Variants in REV3L observed in about 807,000 individuals in gnomAD.
REV3L encodes DNA polymerase zeta catalytic subunit.
Under a neutral mutation model 299.4 loss-of-function variants are expected in REV3L, and 69 were observed. The ratio of observed to expected loss-of-function variants is 0.23; its 90% confidence interval spans 0.19 to 0.28. REV3L has a LOEUF of 0.28. REV3L is among the 10% of genes least tolerant of loss of function. REV3L has a pLI of 1.00. For missense variants in REV3L, 3,128 were observed against 3,693.8 expected (o/e 0.85, Z 3.97); for synonymous variants, 1,238 against 1,271.4 (o/e 0.97, Z 0.56).
Position 111,373,188 on chromosome 6 carries a change from A to C in REV3L, c.5167T>G (p.Leu1723Val). Residue 1723 changes from leucine (L) to valine (V), a missense_variant, in exon 13 of 32, where the codon TTA becomes GTA. Around this residue, in one of 9 missense-constraint regions of REV3L, gnomAD observed 2,409 missense variants for 2,611.8 expected, o/e 0.92. Transcript: ENST00000368802. ...DSASWIRSGTLSPEIFEKSTI... is the reference protein window; with the variant it reads ...DSASWIRSGTVSPEIFEKSTI... ...GACTTCTCAAAAATTTCAGGACTTA[A>C]AGTACCAGATCTAATCCATGAGGCT... 1 of 1,614,128 alleles carries C rather than the reference A, an allele frequency of 6.2e-7. No individual in the cohort carries two copies. The highest frequency in any genetic ancestry group is 8.5e-7 in the Non-Finnish European group (1 of 1,179,990).
intron 20 of REV3L, 107 bp downstream of exon 20, chr6:111,349,111 C>A: frequency 1.7e-6 from 1 of 600,874 alleles, no homozygotes; most frequent in Middle Eastern, 3.5e-4. Flanking sequence ...CAGTAATTGA[C>A]AAACGCATAA....
chr6:111,439,639 A>C (rs931464381), intron 1 of REV3L, among the ~76,000 whole-genome samples: 1 of 152,226 alleles, frequency 6.6e-6, no homozygotes, highest in African/African-American at 2.4e-5. Context: ...AATAACAACG[A>C]AACATTTCTT....
At chr6:111,331,827 TAGA>T in intron 23 of REV3L, 43 bp from the exon 24 acceptor site, 1 of 1,242,760 alleles carries the variant, frequency 8.0e-7, no homozygotes, top group Non-Finnish European at 1.2e-6. Flanking sequence ...CCTCAAATCA[TAGA>T]ACAGAGATTT....
chr6:111,311,540 C>T (rs1772975260), intron 28 of REV3L: 2 of 219,600 alleles, frequency 9.1e-6, no homozygotes, highest in Non-Finnish European at 8.8e-6. Flanking sequence ...ACATAAAACA[C>T]GTTAAGTTTT....
chr6:111,426,453 T>C (rs908631171), intron 1 of REV3L, among the ~76,000 whole-genome samples: 1 of 152,208 alleles, frequency 6.6e-6, no homozygotes, highest in Non-Finnish European at 1.5e-5. Context: ...AGGGAATCAA[T>C]TAACCCATTT....
rs1172584837 is a variant in REV3L at position 111,372,753 on chromosome 6, C to T, written c.5602G>A (p.Gly1868Ser). ...STSSPSQSKNGSFTPRTANIL... is the reference protein window; with the variant it reads ...STSSPSQSKNSSFTPRTANIL... ...TTAGCAGTTCGAGGGGTGAAGCTGC[C>T]ATTTTTAGATTGTGAAGGAGAGCTA... is the stretch of plus-strand genomic sequence containing the variant. Residue 1868 changes from glycine to serine, a missense_variant, in exon 13 of 32, where the codon GGC becomes AGC. By Grantham distance (56) the Gly-to-Ser change is moderately conservative (BLOSUM62 0). Transcript: ENST00000368802. 1 of 1,612,436 alleles carries T rather than the reference C, an allele frequency of 6.2e-7. No individual in the cohort carries two copies. The highest frequency in any genetic ancestry group is 8.5e-7 in the Non-Finnish European group (1 of 1,179,340).
intron 25 of REV3L, among the ~76,000 whole-genome samples, chr6:111,326,326 C>T (rs550506546): frequency 6.6e-6 from 1 of 152,176 alleles, no homozygotes; most frequent in South Asian, 2.1e-4. Context: ...CACAAAAGGT[C>T]TGAATAGACA....
intron 20 of REV3L, 103 bp downstream of exon 20, chr6:111,349,115 C>T (rs920114064): frequency 1.9e-5 from 12 of 619,562 alleles, no homozygotes; most frequent in African/African-American, 7.5e-5. Flanking sequence ...AATTGACAAA[C>T]GCATAAGCTA....
chr6:111,427,906 G>A (rs1266566301), intron 1 of REV3L, among the ~76,000 whole-genome samples: 1 of 152,054 alleles, frequency 6.6e-6, no homozygotes, highest in Non-Finnish European at 1.5e-5. Context: ...CCAAGTTGGA[G>A]TGGCTGTTCA....
At position 111,373,025 on chromosome 6, in the gene REV3L, A is replaced by G; in HGVS notation, c.5330T>C (p.Leu1777Ser). The part of the protein sequence containing the change: ...AEDCLSEKSR[L>S]NRSSVSKEVF... ...TTCTTTGCTTACTGAACTCCTATTCAATCTAGATTTTTCACTTAGACAGTC... is the reference window on the plus strand; with the variant it reads ...TTCTTTGCTTACTGAACTCCTATTCGATCTAGATTTTTCACTTAGACAGTC... Residue 1777 changes from leucine to serine, a missense_variant, in exon 13 of 32, where the codon TTG becomes TCG. Physicochemically the swap from Leu to Ser is moderately radical, Grantham distance 145. Coordinates refer to ENST00000368802, the MANE Select transcript of REV3L (RefSeq NM_001372078.1). The G allele has an allele frequency of 6.2e-7, 1 of 1,614,158 alleles. No individual in the cohort carries two copies. Among genetic ancestry groups the G allele is most frequent in the Non-Finnish European group, 8.5e-7 (1 of 1,180,016 alleles).
At chr6:111,482,155 T>C (rs1252166643) in intron 1 of REV3L, among the ~76,000 whole-genome samples, 1 of 152,094 alleles carries the variant, frequency 6.6e-6, no homozygotes, top group Non-Finnish European at 1.5e-5. Flanking sequence ...CGACCTGCAC[T>C]CACAGCAGAG....
intron 1 of REV3L, among the ~76,000 whole-genome samples, chr6:111,475,662 C>A (rs1209424940): frequency 6.6e-6 from 1 of 151,974 alleles, no homozygotes; most frequent in Non-Finnish European, 1.5e-5. Flanking sequence ...GGATTATTTT[C>A]TAGTTCTTTG....
At chr6:111,365,200 C>A (rs1283118859) in intron 15 of REV3L, 65 bp downstream of exon 15, 1 of 1,034,198 alleles carries the variant, frequency 9.7e-7, no homozygotes, top group Non-Finnish European at 1.4e-6. Context: ...TAACAATTAT[C>A]TAACTGAAAT....
chr6:111,409,081 A>C (rs1317292151), intron 3 of REV3L, among the ~76,000 whole-genome samples: 1 of 152,254 alleles, frequency 6.6e-6, no homozygotes, highest in Admixed American at 6.5e-5. Context: ...TGAGAAAAGA[A>C]ACATTGTTTT....
Position 111,357,119 on chromosome 6 carries a change from C to G in REV3L, c.7079G>C (p.Arg2360Thr), listed in dbSNP as rs762916483. Residue 2360 changes from arginine to threonine, a missense_variant, in exon 18 of 32, where the codon AGA becomes ACA. Physicochemically the swap from Arg to Thr is moderately conservative, Grantham distance 71. Transcript: ENST00000368802. ...KDKTVFSQDI[R>T]YQTPLLIRSG... ...TCTAATAAGTAATGGAGTCTGATAT[C>G]TGATATCTAAAAAACAAACAAAATG... is the stretch of plus-strand genomic sequence containing the variant. The G allele has an allele frequency of 6.6e-7, 1 of 1,505,626 alleles. No homozygotes were observed. The highest frequency in any genetic ancestry group is 1.3e-5 in the South Asian group (1 of 74,474). The allele number at this position is 1,505,626 out of a possible 1,614,324, so 93.3% of individuals were successfully genotyped here.
At chr6:111,445,172 G>A (rs925528655) in intron 1 of REV3L, among the ~76,000 whole-genome samples, 5 of 152,106 alleles carry the variant, frequency 3.3e-5, no homozygotes, top group African/African-American at 9.7e-5. Context: ...ACTTCTATCT[G>A]AAGAAAAAAG....
At chr6:111,356,942 TCA>T (rs1778153112) in intron 18 of REV3L, 70 bp downstream of exon 18, 1 of 712,732 alleles carries the variant, frequency 1.4e-6, no homozygotes, top group African/African-American at 1.8e-5. Context: ...ACTTTTATCT[TCA>T]CTATTATCTG....
chr6:111,368,192 A>G (rs977948556), intron 13 of REV3L, among the ~76,000 whole-genome samples, 164 bp from the exon 14 acceptor site: 8 of 152,082 alleles, frequency 5.3e-5, no homozygotes, highest in Non-Finnish European at 8.8e-5. Context: ...TTTAGTCTCA[A>G]TATGCTTTTC....
intron 1 of REV3L, among the ~76,000 whole-genome samples, chr6:111,465,754 A>AAC (rs1554250412): frequency 6.0e-5 from 9 of 150,810 alleles, no homozygotes; most frequent in Admixed American, 1.3e-4. Context: ...CCAAAAAAAA[A>AAC]AAAAAAAAAA....
Sources: allele counts gnomAD v4.1 joint callset (sites outside exome capture counted in the v4.1 genomes callset), GRCh38; gene constraint gnomAD v4.1.1; regional missense constraint gnomAD v4.1.1; transcripts MANE v1.5; gene names NCBI Gene and HGNC (gene_info 2026-07-23, HGNC 2026-07-21).